RBPJ: variants seen among roughly 807,000 people sequenced by gnomAD.
RBPJ encodes the protein recombination signal binding protein for immunoglobulin kappa J region, also known as recombining binding protein suppressor of hairless.
Under a neutral mutation model 67.8 loss-of-function variants are expected in RBPJ, and 9 were observed. The observed-to-expected ratio is 0.13, with a 90% CI of 0.08 to 0.23. The LOEUF (loss-of-function observed/expected upper bound fraction) is 0.23. Among genes scored for constraint, RBPJ ranks in the 10% least tolerant of loss-of-function variants. The pLI, the probability that RBPJ is intolerant of heterozygous loss-of-function variation, is 1.00. For missense variants in RBPJ, 305 were observed against 595.6 expected (o/e 0.51, Z 5.08); for synonymous variants, 198 against 203.3 (o/e 0.97, Z 0.22).
At chr4:26,173,992 A>C (rs893665253) in intron 1 of RBPJ, among the ~76,000 whole-genome samples, 2 of 152,216 alleles carry the variant, frequency 1.3e-5, no homozygotes, top group Non-Finnish European at 2.9e-5. Context: ...AACTTTTGGA[A>C]TCCAACTCCT....
At chr4:26,320,742 A>C (rs983913786), upstream of RBPJ, 31 of 1,551,750 alleles carry the variant, frequency 2.0e-5, no homozygotes, top group Admixed American at 3.7e-4. Flanking sequence ...AACCCGGATA[A>C]CCGGAGCGCT....
chr4:26,151,662 C>T, the RBPJ span, among the ~76,000 whole-genome samples: 1 of 152,204 alleles, frequency 6.6e-6, no homozygotes, highest in Non-Finnish European at 1.5e-5. Flanking sequence ...GGTCACACCA[C>T]CGGCCGATGA....
At chr4:26,283,332 G>A (rs1721344879) in intron 1 of RBPJ, among the ~76,000 whole-genome samples, 1 of 151,802 alleles carries the variant, frequency 6.6e-6, no homozygotes, top group African/African-American at 2.4e-5. Flanking sequence ...ATCACCTGAG[G>A]TCAGGAGTTC....
intron 1 of RBPJ, among the ~76,000 whole-genome samples, chr4:26,279,245 T>C (rs1290098369): frequency 6.6e-6 from 1 of 152,160 alleles, no homozygotes; most frequent in African/African-American, 2.4e-5. Context: ...TAGCCACTTA[T>C]AGAAAAGGGC....
intron 1 of RBPJ, among the ~76,000 whole-genome samples, chr4:26,339,211 G>A (rs1016042292): frequency 6.6e-6 from 1 of 152,128 alleles, no homozygotes; most frequent in South Asian, 2.1e-4. Context: ...TACCCAGGAG[G>A]TCTCTAGTTG....
At chr4:26,260,335 A>G (rs1211245857) in intron 1 of RBPJ, among the ~76,000 whole-genome samples, 1 of 152,254 alleles carries the variant, frequency 6.6e-6, no homozygotes, top group African/African-American at 2.4e-5. Context: ...TTAAGTGTAG[A>G]AACTGAAAAA....
At chr4:26,422,487 G>A (rs1409839183) in intron 5 of RBPJ, among the ~76,000 whole-genome samples, 2 of 152,164 alleles carry the variant, frequency 1.3e-5, no homozygotes, top group Non-Finnish European at 2.9e-5. Flanking sequence ...GCAGGATTAG[G>A]TGCTTGTTTA....
chr4:26,174,767 G>A (rs2109122052), intron 1 of RBPJ, among the ~76,000 whole-genome samples: 1 of 152,168 alleles, frequency 6.6e-6, no homozygotes, highest in Non-Finnish European at 1.5e-5. Flanking sequence ...ACTGTGCCCG[G>A]CCCAGATGAG....
chr4:26,374,930 A>G (rs1001133815), intron 1 of RBPJ, among the ~76,000 whole-genome samples: 6 of 152,180 alleles, frequency 3.9e-5, no homozygotes, highest in Non-Finnish European at 8.8e-5. Context: ...TGAATTTACC[A>G]GTATATGAAC....
At chr4:26,125,175 T>C in the RBPJ span, among the ~76,000 whole-genome samples, 1 of 152,248 alleles carries the variant, frequency 6.6e-6, no homozygotes, top group African/African-American at 2.4e-5. Context: ...CTTAGTCATC[T>C]GGCCACACCT....
At chr4:26,427,825 TTTGTATG>T (rs1464786270) in intron 7 of RBPJ, among the ~76,000 whole-genome samples, 1 of 152,160 alleles carries the variant, frequency 6.6e-6, no homozygotes, top group African/African-American at 2.4e-5. Flanking sequence ...GATAGTTATG[TTTGTATG>T]TTGTTGGAAG....
In RBPJ at chr4:26,210,727, C is replaced by CCTTCTTTCTTTCCTTCTTTACTTCTTTA. The variant is rs55806116; in HGVS notation, c.-167+47120_-167+47121insCTTTCCTTCTTTACTTCTTTACTTCTTT. On this transcript the variant is annotated intron_variant, in intron 1 of 4. Coordinates refer to the RBPJ transcript ENST00000512351. Reference sequence around the variant, plus strand: ...TCTTTCCTTCTTTCCTTCTTTCTTTCCTTCTTTACTTCTTTCCTTCTTTCC... The same window carrying CCTTCTTTCTTTCCTTCTTTACTTCTTTA: ...TCTTTCCTTCTTTCCTTCTTTCTTTCCTTCTTTCTTTCCTTCTTTACTTCTTTACTTCTTTACTTCTTTCCTTCTTTCC... Among the ~76,000 whole-genome samples, 8 of 61,844 alleles carry CCTTCTTTCTTTCCTTCTTTACTTCTTTA rather than the reference C, an allele frequency of 1.3e-4. 1 individual carries two copies. In the East Asian group the frequency reaches 2.7e-3, roughly 21 times the overall value. 40.6% of individuals were successfully genotyped at this position (61,844 alleles called of 152,430 possible).
the RBPJ span, among the ~76,000 whole-genome samples, chr4:26,134,285 A>G: frequency 6.6e-6 from 1 of 152,210 alleles, no homozygotes; most frequent in East Asian, 1.9e-4. Context: ...GGGCAAGTCT[A>G]TCCTTTCTGC....
chr4:26,221,144 G>A (rs1252486941), intron 1 of RBPJ, among the ~76,000 whole-genome samples: 1 of 152,184 alleles, frequency 6.6e-6, no homozygotes, highest in Non-Finnish European at 1.5e-5. Context: ...AGGCTGGAGT[G>A]CGGTGGCGCG....
intron 1 of RBPJ, among the ~76,000 whole-genome samples, chr4:26,244,301 GTACACATATGTGTGTATATGTA>G (rs1415009048): frequency 7.3e-5 from 11 of 150,350 alleles, no homozygotes; most frequent in African/African-American, 2.7e-4. Flanking sequence ...ACACATATGT[GTACACATATGTGTGTATATGTA>G]TACACATATG....
chr4:26,412,946 G>A (rs980879859), intron 3 of RBPJ: 1 of 152,192 alleles, frequency 6.6e-6, no homozygotes, highest in African/African-American at 2.4e-5. Context: ...CTGGAACTGG[G>A]CCCACTAACT....
At chr4:26,305,414 G>A (rs1722201500) in intron 1 of RBPJ, among the ~76,000 whole-genome samples, 1 of 152,192 alleles carries the variant, frequency 6.6e-6, no homozygotes, top group Non-Finnish European at 1.5e-5. Flanking sequence ...AATTTGGTGA[G>A]TGTTGCCATC....
Position 26,333,724 on chromosome 4 carries a change from G to A in RBPJ, c.20+12676G>A, listed in dbSNP as rs140237129. On this transcript the variant is annotated intron_variant, in intron 1 of 10. Coordinates refer to ENST00000355476, the MANE Select transcript of RBPJ (RefSeq NM_015874.6). ...TTATTTCTTGGGATAGGATCTTACT[G>A]TGTCACCCAGGCTGGAATACAGTGG... 1.5e-3 allele frequency among the ~76,000 whole-genome samples: 232 copies of A among 152,072 alleles called. 1 individual carries two copies. Among genetic ancestry groups the A allele is most frequent in the African/African-American group, 5.4e-3 (224 of 41,470 alleles).
chr4:26,383,893 T>C (rs1385298439), intron 1 of RBPJ: 2 of 152,238 alleles, frequency 1.3e-5, no homozygotes, highest in African/African-American at 4.8e-5. Flanking sequence ...AGGGTCTTGC[T>C]CTGTCATCCA....
Sources: gnomAD v4.1 joint callset for allele counts (sites outside exome capture counted in the v4.1 genomes callset) on GRCh38, gnomAD v4.1.1 for gene constraint, MANE v1.5 for transcripts, NCBI Gene and HGNC (gene_info 2026-07-23, HGNC 2026-07-21) for gene names.